TENM2: variants seen among roughly 807,000 people sequenced by gnomAD.
The protein encoded by TENM2 is teneurin-2.
In TENM2, 52 loss-of-function variants were observed where a neutral mutation model predicts 245.2. That is an observed-to-expected ratio of 0.21 (90% CI 0.17 to 0.27). The LOEUF is 0.27. Ranked by LOEUF, TENM2 falls within the 10% of genes least tolerant of loss-of-function variation. The probability of loss-of-function intolerance (pLI) is 1.00; values close to 1 mark genes in which losing one functional copy is unlikely to be tolerated. For missense variants in TENM2, 3,046 were observed against 3,666.8 expected (o/e 0.83, Z 4.37); for synonymous variants, 1,363 against 1,438.9 (o/e 0.95, Z 1.19).
At chr5:168,153,347 G>A (rs894562924) in intron 12 of TENM2, among the ~76,000 whole-genome samples, 4 of 152,172 alleles carry the variant, frequency 2.6e-5, no homozygotes, top group Admixed American at 6.5e-5. Context: ...GTTAAGACCC[G>A]TTGCTTTAAA....
chr5:167,322,887 G>A (rs1191737084), intron 1 of TENM2, among the ~76,000 whole-genome samples: 1 of 152,184 alleles, frequency 6.6e-6, no homozygotes, highest in Non-Finnish European at 1.5e-5. Context: ...AGAAGGCCAT[G>A]GTGACAGATG....
At chr5:167,865,085 A>C (rs2151308656) in intron 2 of TENM2, among the ~76,000 whole-genome samples, 1 of 152,318 alleles carries the variant, frequency 6.6e-6, no homozygotes, top group East Asian at 1.9e-4. Flanking sequence ...GGACGGCAAG[A>C]AAACAGCTCA....
chr5:167,248,672 A>T, the TENM2 span, among the ~76,000 whole-genome samples: 1 of 152,232 alleles, frequency 6.6e-6, no homozygotes, highest in African/African-American at 2.4e-5. Context: ...ACTTGCAAAC[A>T]ATTTCAGCAT....
the TENM2 span, among the ~76,000 whole-genome samples, chr5:167,076,731 T>C: frequency 1.3e-5 from 2 of 152,184 alleles, no homozygotes; most frequent in African/African-American, 2.4e-5. Flanking sequence ...AGCACCCCCC[T>C]GTTGAAAGTA....
At chr5:168,127,112 A>G in intron 12 of TENM2, 146 bp downstream of exon 14, 1 of 725,324 alleles carries the variant, frequency 1.4e-6, no homozygotes, top group Non-Finnish European at 2.3e-6. Flanking sequence ...GAGAAAAATG[A>G]GGTCCCTAAT....
intron 13 of TENM2, among the ~76,000 whole-genome samples, chr5:168,168,575 T>A (rs78957376): frequency 7.1e-4 from 108 of 151,664 alleles, no homozygotes; most frequent in Admixed American, 4.0e-3. Flanking sequence ...TTCCAGCTAC[T>A]CAGGAGGCCG....
rs922486704 is a variant in TENM2 at position 167,466,039 on chromosome 5, A to G, written c.502+90566A>G. On this transcript the variant is annotated intron_variant, in intron 2 of 28. Transcript: ENST00000518659. ...AAAAGACCTAATGGTGACTGACTTCAGGTTTAGACTTCCCCCTCTCCCCCC... is the reference window on the plus strand; with the variant it reads ...AAAAGACCTAATGGTGACTGACTTCGGGTTTAGACTTCCCCCTCTCCCCCC... 3.3e-5 allele frequency among the ~76,000 whole-genome samples: 5 copies of G among 152,118 alleles called. No homozygotes were observed. The East Asian group carries it at 9.6e-4, about 29-fold the overall frequency.
intron 19 of TENM2, among the ~76,000 whole-genome samples, chr5:168,209,019 C>A (rs1015518053): frequency 6.6e-6 from 1 of 152,106 alleles, no homozygotes; most frequent in Non-Finnish European, 1.5e-5. Context: ...TACTTTTTGG[C>A]TGCATATCTT....
chr5:167,251,067 T>A, the TENM2 span, among the ~76,000 whole-genome samples: 26 of 152,114 alleles, frequency 1.7e-4, no homozygotes. Context: ...AGCTTGTAGG[T>A]ATTTTAAATC....
At chr5:167,284,880 C>T (rs771187416) in exon 1 of TENM2, 8 of 1,551,664 alleles carry the variant, frequency 5.2e-6, no homozygotes, top group South Asian at 2.4e-5. Flanking sequence ...GACCAGAGGA[C>T]GCTGTGGCAA....
chr5:167,063,461 T>G, the TENM2 span, among the ~76,000 whole-genome samples: 1 of 152,212 alleles, frequency 6.6e-6, no homozygotes, highest in African/African-American at 2.4e-5. Flanking sequence ...GAACGATGTC[T>G]GTGTATCTGC....
chr5:167,704,840 CT>C (rs1322398322), intron 2 of TENM2, among the ~76,000 whole-genome samples: 1 of 152,152 alleles, frequency 6.6e-6, no homozygotes, highest in Non-Finnish European at 1.5e-5. Flanking sequence ...GTCTTCGAGG[CT>C]TTTCTCTAGG....
chr5:167,104,586 G>A, the TENM2 span, among the ~76,000 whole-genome samples: 1 of 152,212 alleles, frequency 6.6e-6, no homozygotes, highest in African/African-American at 2.4e-5. Context: ...GCTAGCGAGT[G>A]TATGGGAACC....
Position 167,659,747 on chromosome 5 carries a change from T to G in TENM2, c.503-216239T>G. On this transcript the variant is annotated intron_variant, in intron 2 of 28. Transcript: ENST00000518659. ...GATCACAGGGAAAAAAAAATCTTTT[T>G]GTAGAGTTCGATTGTACCTTCTAGT... is the stretch of plus-strand genomic sequence containing the variant. 2.0e-5 allele frequency among the ~76,000 whole-genome samples: 3 copies of G among 152,302 alleles called. No individual in the cohort carries two copies. In the South Asian group the frequency reaches 6.2e-4, roughly 32 times the overall value.
intron 5 of TENM2, among the ~76,000 whole-genome samples, chr5:167,995,097 C>T (rs1783955425): frequency 6.6e-6 from 1 of 152,122 alleles, no homozygotes; most frequent in Admixed American, 6.5e-5. Context: ...CCACGGGGAG[C>T]CCAGATACAG....
chr5:167,516,313 C>T (rs905191378), intron 2 of TENM2, among the ~76,000 whole-genome samples: 2 of 152,032 alleles, frequency 1.3e-5, no homozygotes, highest in South Asian at 2.1e-4. Flanking sequence ...TTTTCACTTT[C>T]GTAACCTCTC....
At position 168,262,322 on chromosome 5, in the gene TENM2, A is replaced by G. The variant is rs751810911; in HGVS notation, c.7837A>G (p.Ile2613Val). The G allele has an allele frequency of 1.1e-5, 18 of 1,609,974 alleles. No homozygotes were observed. In the South Asian group the frequency reaches 1.9e-4, roughly 17 times the overall value. Residue 2613 changes from isoleucine (I) to valine (V), a missense_variant, in exon 29 of 29, where the codon ATC (isoleucine) becomes GTC (valine). Ile to Val is a conservative substitution (Grantham distance 29). Around this residue, in one of 2 missense-constraint regions of TENM2, gnomAD observed 2,704 missense variants for 3,331.9 expected, o/e 0.81. Transcript: ENST00000518659. ...CTACCTGGACAAGATGCACTACAGCATCGAGGGCAAGGACACCCACTACTT... is the reference window on the plus strand; with the variant it reads ...CTACCTGGACAAGATGCACTACAGCGTCGAGGGCAAGGACACCCACTACTT...
intron 2 of TENM2, among the ~76,000 whole-genome samples, chr5:167,558,779 C>T (rs986371766): frequency 2.0e-5 from 3 of 151,804 alleles, no homozygotes; most frequent in African/African-American, 7.3e-5. Context: ...TTAGTCATCC[C>T]GAAATCATCC....
At chr5:167,921,517 G>A (rs143221477) in intron 3 of TENM2, among the ~76,000 whole-genome samples, 15 of 152,124 alleles carry the variant, frequency 9.9e-5, no homozygotes, top group Non-Finnish European at 2.1e-4. Context: ...TCAAAGTGTG[G>A]TCTATGGACC....
Sources: allele counts gnomAD v4.1 joint callset (sites outside exome capture counted in the v4.1 genomes callset), GRCh38; gene constraint gnomAD v4.1.1; regional missense constraint gnomAD v4.1.1; transcripts MANE v1.5; gene names NCBI Gene and HGNC (gene_info 2026-07-23, HGNC 2026-07-21).